Variants in PYGB observed in about 807,000 individuals in gnomAD.
PYGB encodes the protein glycogen phosphorylase, brain form.
In PYGB, 82 loss-of-function variants were observed where a neutral mutation model predicts 94.3. That is an observed-to-expected ratio of 0.87 (90% CI 0.73 to 1.04). The LOEUF (loss-of-function observed/expected upper bound fraction) is 1.04. Among genes scored for constraint, PYGB ranks in the 50% least tolerant of loss-of-function variants. The pLI is 0.00. For synonymous variants in PYGB, 488 were observed against 479.1 expected (o/e 1.02, Z -0.24); for missense variants, 1,132 against 1,158.2 (o/e 0.98, Z 0.33).
intron 5 of PYGB, among the ~76,000 whole-genome samples, chr20:25,275,845 A>C (rs2088306359): frequency 6.6e-6 from 1 of 151,842 alleles, no homozygotes; most frequent in Non-Finnish European, 1.5e-5. Flanking sequence ...GGTTGACAGG[A>C]GAGAGGAAGG....
chr20:25,269,341 A>G (rs979602624), intron 3 of PYGB, 134 bp downstream of exon 3: 1 of 633,290 alleles, frequency 1.6e-6, no homozygotes, highest in African/African-American at 1.9e-5. Context: ...TGTTCTTCAG[A>G]TTGAAATCTT....
intron 2 of PYGB, among the ~76,000 whole-genome samples, chr20:25,259,736 C>A (rs1022067012): frequency 6.6e-6 from 1 of 152,180 alleles, no homozygotes. Context: ...CCGGAGCTCA[C>A]CCTAGTTGTC....
chr20:25,294,607 C>A, intron 18 of PYGB: 1 of 543,064 alleles, frequency 1.8e-6, no homozygotes, highest in East Asian at 3.3e-5. Context: ...CAGCCGTGTC[C>A]CAGCAGGCCA....
chr20:25,293,702 C>G (rs2088496485), intron 17 of PYGB, among the ~76,000 whole-genome samples: 1 of 152,210 alleles, frequency 6.6e-6, no homozygotes, highest in South Asian at 2.1e-4. Flanking sequence ...CCACTTAGCT[C>G]TGCCTTGTCC....
At chr20:25,271,621 A>C (rs67867367) in intron 4 of PYGB, 135 bp downstream of exon 4, 1 of 902,814 alleles carries the variant, frequency 1.1e-6, no homozygotes, top group Admixed American at 2.1e-5. Context: ...AATGTGGAGC[A>C]GGTCAGGGTA....
At chr20:25,269,056 C>T (rs925136291) in intron 2 of PYGB, 73 bp from the exon 3 acceptor site, 34 of 1,278,298 alleles carry the variant, frequency 2.7e-5, no homozygotes, top group Non-Finnish European at 3.9e-5. Context: ...ACAAGACTTA[C>T]ACATCTTTCA....
chr20:25,260,864 C>T (rs892916169), intron 2 of PYGB, among the ~76,000 whole-genome samples: 1 of 152,214 alleles, frequency 6.6e-6, no homozygotes, highest in Admixed American at 6.5e-5. Flanking sequence ...CCCACGCCCA[C>T]GGAGCCTCAC....
chr20:25,255,024 G>C (rs1051019602), intron 1 of PYGB, among the ~76,000 whole-genome samples: 2 of 152,212 alleles, frequency 1.3e-5, no homozygotes, highest in Non-Finnish European at 2.9e-5. Flanking sequence ...CACGATCCAC[G>C]TTGAGAAGCC....
chr20:25,287,363 A>C (rs2088427255), intron 14 of PYGB, among the ~76,000 whole-genome samples: 1 of 152,256 alleles, frequency 6.6e-6, no homozygotes, highest in African/African-American at 2.4e-5. Flanking sequence ...ACACAATTTA[A>C]GGCCAGTGTG....
At chr20:25,277,003 T>G (rs2088318418) in intron 6 of PYGB, among the ~76,000 whole-genome samples, 1 of 149,502 alleles carries the variant, frequency 6.7e-6, no homozygotes, top group African/African-American at 2.5e-5. Flanking sequence ...CAGGGTCACC[T>G]TGTGCAGATC....
rs575239708 is a variant in PYGB, at chr20:25,294,831, G to T, written c.2312+539G>T. ...AGTTACAGACTTTGTAAGGTTTGCA[G>T]CTCAGGGCAGTTCTTCACCGTTGGC... On this transcript the variant is annotated intron_variant, in intron 18 of 19. Coordinates refer to ENST00000216962, the MANE Select transcript of PYGB (RefSeq NM_002862.4). The T allele has an allele frequency of 1.5e-4, 127 of 858,558 alleles. No individual in the cohort carries two copies. In the African/African-American group the frequency reaches 1.7e-3, roughly 12 times the overall value. The allele number at this position is 858,558 out of a possible 1,614,324, so 53.2% of individuals were successfully genotyped here.
Position 25,259,243 on chromosome 20 carries a change from T to C in PYGB, c.250T>C (p.Tyr84His). 6.3e-7 allele frequency: 1 copy of C among 1,596,776 alleles called. No homozygotes were observed. The highest frequency in any genetic ancestry group is 8.6e-7 in the Non-Finnish European group (1 of 1,164,198). ...CTTTCTTCTGCTTCCTCAGCGCATT[T>C]ATTATCTTTCCCTGGAATTCTACAT... ...HYYERDPKRI[Y>H]YLSLEFYMGR... Residue 84 changes from tyrosine (Y) to histidine (H), a missense_variant, in exon 2 of 20, where the codon TAT (tyrosine) becomes CAT (histidine). Tyr to His is a moderately conservative substitution (Grantham distance 83, BLOSUM62 2). Coordinates refer to ENST00000216962, the MANE Select transcript of PYGB (RefSeq NM_002862.4).
Position 25,296,860 on chromosome 20 carries a change from T to C in PYGB, c.*338T>C, listed in dbSNP as rs1312625377. 1.0e-5 allele frequency: 3 copies of C among 286,244 alleles called. No homozygotes were observed. Among genetic ancestry groups the C allele is most frequent in the Non-Finnish European group, 2.0e-5 (3 of 150,828 alleles). The allele number at this position is 286,244 out of a possible 1,614,324, so 17.7% of individuals were successfully genotyped here. On this transcript the variant is annotated 3_prime_UTR_variant, in exon 20 of 20. Coordinates refer to ENST00000216962, the MANE Select transcript of PYGB (RefSeq NM_002862.4). ...ACTTTGCACACATCTTGCTATGTAT[T>C]AGCCGATGTCTTTAGTGTTGAGCCT...
intron 17 of PYGB, chr20:25,293,928 AGGAGCAGGT>A (rs1271928115): frequency 3.5e-6 from 2 of 570,902 alleles, no homozygotes; most frequent in Non-Finnish European, 6.3e-6. Context: ...TAACAGTCAA[AGGAGCAGGT>A]GGGATTGGCT....
intron 1 of PYGB, among the ~76,000 whole-genome samples, chr20:25,250,818 C>T (rs2092885630): frequency 6.6e-6 from 1 of 151,990 alleles, no homozygotes; most frequent in South Asian, 2.1e-4. Flanking sequence ...TTATGCAAGT[C>T]CTGAAGGAAA....
chr20:25,281,986 T>C, intron 11 of PYGB, 47 bp from the exon 12 acceptor site: 1 of 1,496,996 alleles, frequency 6.7e-7, no homozygotes, highest in East Asian at 2.3e-5. Context: ...GCTCACCTGG[T>C]GCAGGGCACA....
intron 1 of PYGB, among the ~76,000 whole-genome samples, chr20:25,248,936 G>T (rs1385600414): frequency 6.6e-6 from 1 of 152,232 alleles, no homozygotes; most frequent in African/African-American, 2.4e-5. Context: ...CACTGAAGAT[G>T]CCTGCTTCAC....
rs745801545 is a variant in PYGB, at chr20:25,271,506, T to G, written c.528+20T>G. The G allele has an allele frequency of 1.3e-6, 2 of 1,595,712 alleles. No homozygotes were observed. Among genetic ancestry groups the G allele is most frequent in the South Asian group, 2.2e-5 (2 of 90,692 alleles). On this transcript the variant is annotated intron_variant, in intron 4 of 19. Coordinates refer to ENST00000216962, the MANE Select transcript of PYGB (RefSeq NM_002862.4). The stretch of plus-strand genomic sequence containing the variant: ...TGGCAGGTGGGTGAGATTTCATTTC[T>G]TCACTGGTTTCCAGCTCTCGTTCAC...
chr20:25,283,152 G>A, intron 12 of PYGB, 24 bp from the exon 13 acceptor site: 1 of 1,594,404 alleles, frequency 6.3e-7, no homozygotes, highest in Non-Finnish European at 8.6e-7. Flanking sequence ...GGCCCACAGT[G>A]AGCGGAACCT....
Sources: gnomAD v4.1 joint callset for allele counts (sites outside exome capture counted in the v4.1 genomes callset) on GRCh38, gnomAD v4.1.1 for gene constraint, MANE v1.5 for transcripts, NCBI Gene and HGNC (gene_info 2026-07-23, HGNC 2026-07-21) for gene names.